The following ANGPT1 variants were observed in gnomAD, a reference collection of about 807,000 sequenced individuals.
The protein encoded by ANGPT1 is angiopoietin 1, also known as angiopoietin-1.
A neutral mutation model predicts 62.2 loss-of-function variants in ANGPT1; 17 were observed. That is an observed-to-expected ratio of 0.27 (90% CI 0.19 to 0.41). ANGPT1 has a LOEUF of 0.41. ANGPT1 is among the 10% of genes least tolerant of loss of function. The probability of loss-of-function intolerance (pLI) is 1.00; values close to 1 mark genes in which losing one functional copy is unlikely to be tolerated. For missense variants in ANGPT1, 478 were observed against 594.9 expected, an observed-to-expected ratio of 0.80 and a Z score of 2.04; for synonymous variants, 199 against 198.9, an observed-to-expected ratio of 1.00 and a Z score of 0.00.
At chr8:107,489,095 A>G (rs983188793) in intron 1 of ANGPT1, among the ~76,000 whole-genome samples, 11 of 152,196 alleles carry the variant, frequency 7.2e-5, no homozygotes, top group African/African-American at 2.4e-4. Flanking sequence ...AGAGCTACAC[A>G]CGTCACTAAA....
At chr8:107,419,533 T>C (rs1032887300) in intron 1 of ANGPT1, among the ~76,000 whole-genome samples, 1 of 152,200 alleles carries the variant, frequency 6.6e-6, no homozygotes, top group Admixed American at 6.5e-5. Context: ...AATATGTGCT[T>C]ACTTGTTTCT....
chr8:107,357,429 A>G (rs1182561566), intron 1 of ANGPT1, among the ~76,000 whole-genome samples: 1 of 152,166 alleles, frequency 6.6e-6, no homozygotes, highest in African/African-American at 2.4e-5. Context: ...TGCTTATCTG[A>G]AATGCAATTT....
intron 4 of ANGPT1, among the ~76,000 whole-genome samples, chr8:107,307,719 T>C (rs1207524841): frequency 1.3e-5 from 2 of 152,188 alleles, no homozygotes; most frequent in Non-Finnish European, 2.9e-5. Context: ...CTATTTCTTA[T>C]ATATCTGTTC....
At chr8:107,297,891 G>A (rs1814457417) in intron 5 of ANGPT1, among the ~76,000 whole-genome samples, 1 of 151,498 alleles carries the variant, frequency 6.6e-6, no homozygotes. Flanking sequence ...AACAGATGAA[G>A]GAAATTTAAA....
chr8:107,380,805 A>G (rs766486771), intron 1 of ANGPT1, among the ~76,000 whole-genome samples: 3 of 152,212 alleles, frequency 2.0e-5, no homozygotes, highest in Non-Finnish European at 4.4e-5. Flanking sequence ...ACAAAAGACA[A>G]CGTCTTACTT....
At chr8:107,447,044 G>A (rs766963741) in intron 1 of ANGPT1, among the ~76,000 whole-genome samples, 5 of 152,044 alleles carry the variant, frequency 3.3e-5, no homozygotes, top group African/African-American at 7.2e-5. Context: ...CATAGCCAAC[G>A]CCTCAAGAAA....
chr8:107,406,814 G>T (rs551436107), intron 1 of ANGPT1, among the ~76,000 whole-genome samples: 1 of 149,486 alleles, frequency 6.7e-6, no homozygotes, highest in Non-Finnish European at 1.5e-5. Context: ...TTGTTACTAC[G>T]TAAGTCATCA....
chr8:107,325,905 G>A (rs1815275876), intron 3 of ANGPT1, among the ~76,000 whole-genome samples: 1 of 152,074 alleles, frequency 6.6e-6, no homozygotes, highest in African/African-American at 2.4e-5. Flanking sequence ...AACTTGGAAA[G>A]AGCTGAGAAT....
At chr8:107,324,187 G>GTACATATGTA (rs1563569222) in intron 3 of ANGPT1, among the ~76,000 whole-genome samples, 3 of 105,962 alleles carry the variant, frequency 2.8e-5, no homozygotes, top group East Asian at 2.9e-4. Context: ...GTGTGTGTGT[G>GTACATATGTA]TATATATGTA....
At position 107,438,340 on chromosome 8, in the gene ANGPT1, T is replaced by C. The variant is rs1159469234; in HGVS notation, c.297+58922A>G. On this transcript the variant is annotated intron_variant, in intron 1 of 8. Coordinates refer to ENST00000517746, the MANE Select transcript of ANGPT1 (RefSeq NM_001146.5). Reference sequence around the variant, plus strand: ...TTGTCACCTCCATCTTTATTAGTCTTTGGAGGGGGTCTTTTTGTCATTTGA... The same window carrying C: ...TTGTCACCTCCATCTTTATTAGTCTCTGGAGGGGGTCTTTTTGTCATTTGA... 7.9e-5 allele frequency among the ~76,000 whole-genome samples: 12 copies of C among 152,262 alleles called. No homozygotes were observed. In the South Asian group the frequency reaches 1.9e-3, roughly 24 times the overall value.
At chr8:107,351,632 G>A (rs1016050705) in intron 1 of ANGPT1, among the ~76,000 whole-genome samples, 3 of 151,858 alleles carry the variant, frequency 2.0e-5, no homozygotes, top group Non-Finnish European at 4.4e-5. Flanking sequence ...ACTAGAGGGG[G>A]ATTACTTTCA....
intron 7 of ANGPT1, among the ~76,000 whole-genome samples, chr8:107,273,880 T>C (rs1416637455): frequency 6.6e-6 from 1 of 151,582 alleles, no homozygotes; most frequent in Non-Finnish European, 1.5e-5. Context: ...ATACAAAATT[T>C]TGTGTTTCTT....
chr8:107,381,529 A>G (rs909370705), intron 1 of ANGPT1, among the ~76,000 whole-genome samples: 19 of 152,298 alleles, frequency 1.2e-4, no homozygotes, highest in Admixed American at 6.5e-4. Flanking sequence ...TCTTGGCAGC[A>G]GTGTGAGGGC....
intron 1 of ANGPT1, among the ~76,000 whole-genome samples, chr8:107,351,149 A>T (rs2130172792): frequency 6.6e-6 from 1 of 152,236 alleles, no homozygotes; most frequent in African/African-American, 2.4e-5. Flanking sequence ...ATTTGACTAT[A>T]CTGCCATGCC....
intron 1 of ANGPT1, among the ~76,000 whole-genome samples, chr8:107,416,101 A>G (rs957804255): frequency 1.4e-4 from 22 of 152,162 alleles, no homozygotes; most frequent in Admixed American, 9.2e-4. Context: ...CAATCAATCA[A>G]TTCTGCAGGG....
chr8:107,337,977 T>A (rs1356281701), intron 2 of ANGPT1, among the ~76,000 whole-genome samples: 6 of 152,114 alleles, frequency 3.9e-5, no homozygotes, highest in Non-Finnish European at 5.9e-5. Flanking sequence ...GTGCCTGTAG[T>A]CCCAGCTACT....
intron 7 of ANGPT1, among the ~76,000 whole-genome samples, chr8:107,272,542 C>G (rs1813761369): frequency 6.6e-6 from 1 of 151,928 alleles, no homozygotes; most frequent in African/African-American, 2.4e-5. Flanking sequence ...ACAGTGTTAG[C>G]AGTAATTTTT....
At chr8:107,357,252 A>G (rs974041565) in intron 1 of ANGPT1, among the ~76,000 whole-genome samples, 48 of 152,322 alleles carry the variant, frequency 3.2e-4, no homozygotes, top group Non-Finnish European at 4.1e-4. Context: ...TCTTTTTCCC[A>G]AATTCTAAAA....
rs540396652 is a variant in ANGPT1 at position 107,388,159 on chromosome 8, G to A, written c.298-41062C>T. ...CAAATCATAATTATGAGTAACAAAC[G>A]GTGGTCTCAACAGCTTTGGATAAAG... On this transcript the variant is annotated intron_variant, in intron 1 of 8. Coordinates refer to ENST00000517746, the MANE Select transcript of ANGPT1 (RefSeq NM_001146.5). Among the ~76,000 whole-genome samples the A allele has an allele frequency of 6.6e-5, 10 of 152,092 alleles. No homozygotes were observed. The South Asian group carries it at 1.0e-3, about 16-fold the overall frequency.
Sources: gnomAD v4.1 joint callset for allele counts (sites outside exome capture counted in the v4.1 genomes callset) on GRCh38, gnomAD v4.1.1 for gene constraint, MANE v1.5 for transcripts, NCBI Gene and HGNC (gene_info 2026-07-23, HGNC 2026-07-21) for gene names.